NAALADL2: variants seen among roughly 807,000 people sequenced by gnomAD.
The protein encoded by NAALADL2 is inactive N-acetylated-alpha-linked acidic dipeptidase-like protein 2.
Under a neutral mutation model 87.2 loss-of-function variants are expected in NAALADL2, and 76 were observed. The observed-to-expected ratio is 0.87, with a 90% CI of 0.72 to 1.05. The LOEUF (loss-of-function observed/expected upper bound fraction) is 1.05. Among genes scored for constraint, NAALADL2 ranks in the 50% least tolerant of loss-of-function variants. NAALADL2 has a pLI of 0.00. For synonymous variants in NAALADL2, 354 were observed against 331.0 expected (o/e 1.07, Z -0.75); for missense variants, 1,089 against 945.8 (o/e 1.15, Z -1.99).
intron 3 of NAALADL2, among the ~76,000 whole-genome samples, chr3:174,758,215 T>A (rs1712399460): frequency 6.6e-6 from 1 of 152,226 alleles, no homozygotes; most frequent in Non-Finnish European, 1.5e-5. Context: ...CGTTTTAGAA[T>A]ATTTTCTTTC....
chr3:175,643,308 T>A (rs540595804), intron 11 of NAALADL2, among the ~76,000 whole-genome samples: 1 of 152,362 alleles, frequency 6.6e-6, no homozygotes, highest in African/African-American at 2.4e-5. Context: ...CAACAACGAT[T>A]AAGAGTATTC....
chr3:175,288,922 G>C (rs1408124859), intron 4 of NAALADL2, among the ~76,000 whole-genome samples: 1 of 152,102 alleles, frequency 6.6e-6, no homozygotes, highest in African/African-American at 2.4e-5. Flanking sequence ...AGGCTACTTA[G>C]GAGGTCAAAA....
chr3:175,152,142 T>C (rs1011965832), intron 2 of NAALADL2, among the ~76,000 whole-genome samples: 2 of 152,174 alleles, frequency 1.3e-5, no homozygotes, highest in African/African-American at 4.8e-5. Context: ...TAGGATGTTA[T>C]CGACAGTAAT....
At chr3:175,739,029 T>G (rs778269143) in intron 12 of NAALADL2, among the ~76,000 whole-genome samples, 1 of 152,178 alleles carries the variant, frequency 6.6e-6, no homozygotes, top group Non-Finnish European at 1.5e-5. Flanking sequence ...ATATAAAACT[T>G]TAAACTTTCA....
At chr3:175,215,750 C>T (rs968720436) in intron 2 of NAALADL2, among the ~76,000 whole-genome samples, 13 of 152,124 alleles carry the variant, frequency 8.5e-5, no homozygotes, top group East Asian at 1.9e-4. Flanking sequence ...ACAGGCCAGT[C>T]GGCACTCATT....
chr3:175,518,936 A>T (rs1207281308), intron 9 of NAALADL2, among the ~76,000 whole-genome samples: 1 of 152,234 alleles, frequency 6.6e-6, no homozygotes, highest in Non-Finnish European at 1.5e-5. Flanking sequence ...AGACCCAAAG[A>T]TACAGGGGTA....
At chr3:175,412,754 T>C (rs1292616333) in intron 5 of NAALADL2, among the ~76,000 whole-genome samples, 4 of 151,516 alleles carry the variant, frequency 2.6e-5, no homozygotes, top group Admixed American at 2.6e-4. Flanking sequence ...ACATATGCAT[T>C]TTTCTGTATC....
intron 11 of NAALADL2, among the ~76,000 whole-genome samples, chr3:175,730,989 A>C (rs1254677884): frequency 6.6e-6 from 1 of 152,218 alleles, no homozygotes; most frequent in Non-Finnish European, 1.5e-5. Flanking sequence ...TGGTAGTATT[A>C]CAAGAAACAT....
Position 175,657,555 on chromosome 3 carries a change from T to A in NAALADL2, c.1896+30169T>A, listed in dbSNP as rs970343908. Among the ~76,000 whole-genome samples, 7 of 151,446 alleles carry A rather than the reference T, an allele frequency of 4.6e-5. No individual in the cohort carries two copies. In the East Asian group the frequency reaches 5.8e-4, roughly 13 times the overall value. The stretch of plus-strand genomic sequence containing the variant: ...ATAAAATGAGAAACTTACAAGCATG[T>A]TGGAAAAAAATACTCATTTTACTGT... On this transcript the variant is annotated intron_variant, in intron 11 of 13. Coordinates refer to ENST00000454872, the MANE Select transcript of NAALADL2 (RefSeq NM_207015.3).
intron 9 of NAALADL2, among the ~76,000 whole-genome samples, chr3:175,546,240 T>A (rs1370335806): frequency 1.3e-5 from 2 of 152,164 alleles, no homozygotes; most frequent in Non-Finnish European, 2.9e-5. Context: ...TCCATTTTTT[T>A]GGTAGATTTT....
chr3:175,717,873 A>T (rs1583000247), intron 11 of NAALADL2, among the ~76,000 whole-genome samples: 1 of 144,994 alleles, frequency 6.9e-6, no homozygotes, highest in Non-Finnish European at 1.5e-5. Context: ...GCAGTGGCAC[A>T]ATCTTGGCCC....
rs879005218 is a variant in NAALADL2, at chr3:175,808,851, T to C, written c.*5648T>C. On this transcript the variant is annotated 3_prime_UTR_variant, in exon 14 of 14. Coordinates refer to ENST00000454872, the MANE Select transcript of NAALADL2 (RefSeq NM_207015.3). ...AGAAGCTTAGCTAGAGAAGTGGAGT[T>C]AGAGTCCCTATTTTAATGAACTACA... The C allele has an allele frequency of 6.6e-6, 1 of 151,544 alleles. No individual in the cohort carries two copies. The highest frequency in any genetic ancestry group is 1.5e-5 in the Non-Finnish European group (1 of 67,920). The allele number at this position is 151,544 out of a possible 1,614,324, so 9.4% of individuals were successfully genotyped here.
At chr3:174,832,675 C>T (rs1325833052) in intron 3 of NAALADL2, among the ~76,000 whole-genome samples, 3 of 152,086 alleles carry the variant, frequency 2.0e-5, no homozygotes, top group African/African-American at 7.2e-5. Context: ...ACCGTGTTAG[C>T]CAAGATGGTC....
chr3:175,634,387 C>T (rs569865031), intron 11 of NAALADL2, among the ~76,000 whole-genome samples: 1 of 151,904 alleles, frequency 6.6e-6, no homozygotes, highest in African/African-American at 2.4e-5. Flanking sequence ...ATTCTTGGAG[C>T]ATGGTAACTG....
intron 1 of NAALADL2, among the ~76,000 whole-genome samples, chr3:175,074,997 G>A (rs147200990): frequency 3.3e-5 from 5 of 152,186 alleles, no homozygotes; most frequent in East Asian, 1.9e-4. Flanking sequence ...AGAGAGATAC[G>A]TAAGCAATTC....
chr3:175,037,986 T>A lies in NAALADL2; in HGVS notation c.44-58804T>A, dbSNP rs372687936. On this transcript the variant is annotated intron_variant, in intron 1 of 13. Transcript: ENST00000454872. ...AGCCGAAGTAAAGACTTTCTTGGCC[T>A]CCCTCCTAATTGTTACCTAGTGATT... 4.6e-5 allele frequency among the ~76,000 whole-genome samples: 7 copies of A among 152,272 alleles called. 1 individual carries two copies. The highest frequency in any genetic ancestry group is 1.7e-4 in the African/African-American group (7 of 41,568).
rs542805144 is a variant in NAALADL2, at chr3:174,731,388, G to A, written c.-114-6253G>A. On this transcript the variant is annotated intron_variant, in intron 2 of 3. Transcript: ENST00000434257. ...TTGGATATACAGCTGGTGGCATTTCGGCATTTACTAAAAGTGCTATAGCAA... is the reference window on the plus strand; with the variant it reads ...TTGGATATACAGCTGGTGGCATTTCAGCATTTACTAAAAGTGCTATAGCAA... Among the ~76,000 whole-genome samples, 303 of 152,116 alleles carry A rather than the reference G, an allele frequency of 2.0e-3. 1 individual carries two copies. The highest frequency in any genetic ancestry group is 3.6e-3 in the Non-Finnish European group (242 of 67,966).
intron 1 of NAALADL2, among the ~76,000 whole-genome samples, chr3:174,972,760 C>T (rs1743858048): frequency 6.6e-6 from 1 of 151,994 alleles, no homozygotes; most frequent in African/African-American, 2.4e-5. Flanking sequence ...CTTTGGGAGG[C>T]CGAGGTGGGC....
At chr3:174,527,282 A>G (rs1485550407) in intron 1 of NAALADL2, among the ~76,000 whole-genome samples, 1 of 152,104 alleles carries the variant, frequency 6.6e-6, no homozygotes, top group Non-Finnish European at 1.5e-5. Context: ...GCACTTTGGG[A>G]GGCTGAGGCA....
Sources: allele counts gnomAD v4.1 joint callset (sites outside exome capture counted in the v4.1 genomes callset), GRCh38; gene constraint gnomAD v4.1.1; transcripts MANE v1.5; gene names NCBI Gene and HGNC (gene_info 2026-07-23, HGNC 2026-07-21).